Variants in NAV2 observed in about 807,000 individuals in gnomAD.
The protein encoded by NAV2 is neuron navigator 2, also known as helicase, APC down-regulated 1.
Under a neutral mutation model 223.2 loss-of-function variants are expected in NAV2, and 54 were observed. That is an observed-to-expected ratio of 0.24 (90% CI 0.19 to 0.30). NAV2 has a LOEUF of 0.30. Among genes scored for constraint, NAV2 ranks in the 10% least tolerant of loss-of-function variants. The pLI is 1.00. For synonymous variants in NAV2, 1,279 were observed against 1,239.3 expected, an observed-to-expected ratio of 1.03 and a Z score of -0.67; for missense variants, 2,806 against 3,147.5, an observed-to-expected ratio of 0.89 and a Z score of 2.60.
chr11:19,657,607 G>A (rs905544348), intron 1 of NAV2, among the ~76,000 whole-genome samples: 10 of 152,136 alleles, frequency 6.6e-5, no homozygotes, highest in South Asian at 6.2e-4. Context: ...ATTCTGAGAG[G>A]GTGAGGAACA....
intron 6 of NAV2, among the ~76,000 whole-genome samples, chr11:19,902,317 A>G (rs2042509356): frequency 6.6e-6 from 1 of 152,240 alleles, no homozygotes; most frequent in Non-Finnish European, 1.5e-5. Context: ...AAATCCCTCT[A>G]ATGTGTGAAA....
intron 1 of NAV2, among the ~76,000 whole-genome samples, chr11:19,629,712 A>C (rs1428402654): frequency 6.6e-6 from 1 of 152,112 alleles, no homozygotes; most frequent in Non-Finnish European, 1.5e-5. Context: ...TGGGGAGAAC[A>C]GATCTTGTTA....
intron 10 of NAV2, 63 bp from the exon 11 acceptor site, chr11:19,984,062 A>G (rs1591533816): frequency 1.9e-6 from 3 of 1,610,200 alleles, no homozygotes; most frequent in Non-Finnish European, 1.7e-6. Flanking sequence ...CTGGATATGA[A>G]TGCAAGCCTG....
rs2048216200 is a variant in NAV2, at chr11:19,959,956, AAC to A, written c.2645+10880_2645+10881del. On this transcript the variant is annotated intron_variant, in intron 10 of 37. Transcript: ENST00000349880. ...CTTCACTGGCAAGCAGCATCAACAA[AAC>A]ACAGCCAGCATTTGGGTGTTACTGA... 2.0e-5 allele frequency among the ~76,000 whole-genome samples: 3 copies of A among 152,262 alleles called. No homozygotes were observed. The South Asian group carries it at 6.2e-4, about 32-fold the overall frequency.
chr11:19,766,801 C>G (rs1412886017), intron 1 of NAV2, among the ~76,000 whole-genome samples: 1 of 152,168 alleles, frequency 6.6e-6, no homozygotes, highest in Non-Finnish European at 1.5e-5. Context: ...ACCTCCTTCT[C>G]CCACCCTGAT....
In NAV2 at chr11:20,071,319, C is replaced by A. The variant is rs865869204; in HGVS notation, c.4983+2921C>A. The stretch of plus-strand genomic sequence containing the variant: ...ATCCTTTTTATGGCTGCATAGAATT[C>A]CATGGTGTATATGTGCCACATGTCT... On this transcript the variant is annotated intron_variant, in intron 22 of 37. Transcript: ENST00000349880. Among the ~76,000 whole-genome samples the A allele has an allele frequency of 1.0e-3, 157 of 152,282 alleles. No individual in the cohort carries two copies. In the Middle Eastern group the frequency reaches 0.02, roughly 20 times the overall value.
chr11:19,594,406 T>A (rs1030461245), intron 1 of NAV2, among the ~76,000 whole-genome samples: 1 of 152,032 alleles, frequency 6.6e-6, no homozygotes, highest in African/African-American at 2.4e-5. Flanking sequence ...TGATGGTAGC[T>A]GGCTGGTTTC....
Position 20,118,276 on chromosome 11 carries a change from G to A in NAV2, c.*18G>A. 3 of 1,613,022 alleles carry A rather than the reference G, an allele frequency of 1.9e-6. No individual in the cohort carries two copies. The highest frequency in any genetic ancestry group is 2.5e-6 in the Non-Finnish European group (3 of 1,179,748). On this transcript the variant is annotated 3_prime_UTR_variant, in exon 38 of 38. Transcript: ENST00000349880. ...CTCTGTGACAGGGGCCCGGAGCCCAGCGCCCTCCTCTTCTCCTCACCGCAT... is the reference window on the plus strand; with the variant it reads ...CTCTGTGACAGGGGCCCGGAGCCCAACGCCCTCCTCTTCTCCTCACCGCAT...
chr11:19,464,691 T>A (rs570238033), intron 1 of NAV2, among the ~76,000 whole-genome samples: 1 of 152,338 alleles, frequency 6.6e-6, no homozygotes, highest in East Asian at 1.9e-4. Context: ...TCTGTTCTCA[T>A]CTGTCAGAGG....
chr11:19,674,036 G>T (rs543673566), intron 1 of NAV2, among the ~76,000 whole-genome samples: 6 of 152,180 alleles, frequency 3.9e-5, no homozygotes, highest in African/African-American at 1.2e-4. Context: ...ACTCAGGGGC[G>T]CTTGGAAAGC....
intron 35 of NAV2, among the ~76,000 whole-genome samples, chr11:20,107,020 T>A (rs929979970): frequency 6.6e-5 from 10 of 151,306 alleles, no homozygotes; most frequent in Non-Finnish European, 1.2e-4. Flanking sequence ...TTTGCTTAAC[T>A]GTTTCTGTTC....
chr11:20,037,370 TAAAA>T (rs34272740), intron 12 of NAV2, among the ~76,000 whole-genome samples: 1 of 140,308 alleles, frequency 7.1e-6, no homozygotes, highest in South Asian at 2.2e-4. Flanking sequence ...ACAATAGGGC[TAAAA>T]AAAAAAAAAA....
chr11:19,364,170 T>C (rs1229671145), intron 1 of NAV2, among the ~76,000 whole-genome samples: 2 of 152,178 alleles, frequency 1.3e-5, no homozygotes, highest in East Asian at 3.9e-4. Flanking sequence ...GTCACCTCCT[T>C]AACATAAACG....
chr11:19,776,999 A>C (rs2056280798), intron 1 of NAV2, among the ~76,000 whole-genome samples: 1 of 150,068 alleles, frequency 6.7e-6, no homozygotes. Context: ...CTTCGCGCCC[A>C]CCGGCGGCAG....
intron 1 of NAV2, among the ~76,000 whole-genome samples, chr11:19,667,982 T>A (rs1333517559): frequency 6.6e-6 from 1 of 152,152 alleles, no homozygotes; most frequent in African/African-American, 2.4e-5. Context: ...TAAGGTCCCT[T>A]GCAGCCTGTC....
At chr11:19,834,182 C>T (rs1214054098) in intron 2 of NAV2, among the ~76,000 whole-genome samples, 1 of 152,156 alleles carries the variant, frequency 6.6e-6, no homozygotes, top group Non-Finnish European at 1.5e-5. Context: ...TCTTCCTCTT[C>T]CTCTTACTCT....
At position 19,933,412 on chromosome 11, in the gene NAV2, G is replaced by A. The variant is rs763975642; in HGVS notation, c.1168G>A (p.Ala390Thr). Residue 390 changes from alanine (A) to threonine (T), a missense_variant, in exon 7 of 38, where the codon GCC (alanine) becomes ACC (threonine). Physicochemically the swap from Ala to Thr is moderately conservative, Grantham distance 58. Transcript: ENST00000349880. The surrounding 1 kb of genome is among the most constrained non-coding windows in gnomAD (Gnocchi z 4.3). Reference sequence around the variant, plus strand: ...TGAGGCCCCCAGGCCCACACCTGAAGCCATGAAGCCGGCCCCCAACAATCA... The same window carrying A: ...TGAGGCCCCCAGGCCCACACCTGAAACCATGAAGCCGGCCCCCAACAATCA... ...GPEAPRPTPE[A>T]MKPAPNNQKS... 1 of 1,581,120 alleles carries A rather than the reference G, an allele frequency of 6.3e-7. No homozygotes were observed. The highest frequency in any genetic ancestry group is 1.2e-5 in the South Asian group (1 of 86,854).
In NAV2 at chr11:19,549,749, G is replaced by A. The variant is rs544510962; in HGVS notation, c.75+198722G>A. Among the ~76,000 whole-genome samples, 164 of 152,336 alleles carry A rather than the reference G, an allele frequency of 1.1e-3. 1 individual carries two copies. Among genetic ancestry groups the A allele is most frequent in the African/African-American group, 3.7e-3 (153 of 41,568 alleles). ...TGAGAGGTCTCAATCGTGATACAGC[G>A]TAGAGGCCCCAGTGGACATCACCCA... On this transcript the variant is annotated intron_variant, in intron 1 of 37. Transcript: ENST00000360655.
chr11:19,454,931 G>C (rs1289636424), intron 1 of NAV2, among the ~76,000 whole-genome samples: 1 of 151,698 alleles, frequency 6.6e-6, no homozygotes, highest in Non-Finnish European at 1.5e-5. Context: ...GGTTCTTACT[G>C]TGGGTCTCTG....
Sources: allele counts gnomAD v4.1 joint callset (sites outside exome capture counted in the v4.1 genomes callset), GRCh38; gene constraint gnomAD v4.1.1; non-coding constraint Gnocchi (gnomAD v3.1); transcripts MANE v1.5; gene names NCBI Gene and HGNC (gene_info 2026-07-23, HGNC 2026-07-21).